The following KLKB1 variants were observed in gnomAD, a reference collection of about 807,000 sequenced individuals.
KLKB1 encodes kallikrein B1, also known as plasma kallikrein.
A neutral mutation model predicts 73.6 loss-of-function variants in KLKB1; 58 were observed. The observed-to-expected ratio is 0.79, with a 90% CI of 0.64 to 0.98. The LOEUF is 0.98. Ranked by LOEUF, KLKB1 falls within the 50% of genes least tolerant of loss-of-function variation. The pLI, the probability that KLKB1 is intolerant of heterozygous loss-of-function variation, is 0.00. For missense variants in KLKB1, 737 were observed against 763.8 expected (o/e 0.96, Z 0.41); for synonymous variants, 280 against 258.1 (o/e 1.08, Z -0.81).
chr4:186,218,407 T>C (rs1019444529), intron 2 of KLKB1, among the ~76,000 whole-genome samples: 1 of 152,242 alleles, frequency 6.6e-6, no homozygotes, highest in Non-Finnish European at 1.5e-5. Context: ...ATACTGGGAA[T>C]GTTATAAGCA....
At chr4:186,251,974 T>C (rs996619217) in intron 10 of KLKB1, 43 bp from the exon 11 acceptor site, 2 of 1,613,830 alleles carry the variant, frequency 1.2e-6, no homozygotes, top group Admixed American at 3.3e-5. Context: ...GGACTTTGAT[T>C]CACTTCTAAT....
At chr4:186,232,453 A>G (rs1390273683) in intron 3 of KLKB1, among the ~76,000 whole-genome samples, 164 bp downstream of exon 3, 6 of 152,238 alleles carry the variant, frequency 3.9e-5, no homozygotes, top group Admixed American at 2.0e-4. Flanking sequence ...TTCCTAGGCC[A>G]CAACCCAGAT....
chr4:186,219,751 A>C (rs540702514), intron 2 of KLKB1, among the ~76,000 whole-genome samples: 26 of 152,216 alleles, frequency 1.7e-4, no homozygotes, highest in African/African-American at 6.3e-4. Context: ...TGACCCAAAC[A>C]TTCATTCCTA....
At chr4:186,223,686 G>C (rs1450258910), upstream of KLKB1, among the ~76,000 whole-genome samples, 2 of 152,194 alleles carry the variant, frequency 1.3e-5, no homozygotes, top group African/African-American at 4.8e-5. Flanking sequence ...CAAAGAGATG[G>C]TATGAAATTG....
chr4:186,230,442 A>T lies in KLKB1; in HGVS notation c.59-1685A>T, dbSNP rs533320527. ...TTTGTGGAATTGTTAAACAAGACTG[A>T]ATAATCTGCCCAAAGTCCATGGACA... On this transcript the variant is annotated intron_variant, in intron 2 of 14. Transcript: ENST00000264690. Among the ~76,000 whole-genome samples, 3 of 152,304 alleles carry T rather than the reference A, an allele frequency of 2.0e-5. No individual in the cohort carries two copies. The East Asian group carries it at 5.8e-4, about 29-fold the overall frequency.
chr4:186,253,847 A>G (rs940339414), intron 11 of KLKB1, among the ~76,000 whole-genome samples: 1 of 151,882 alleles, frequency 6.6e-6, no homozygotes, highest in African/African-American at 2.4e-5. Flanking sequence ...TATTTAATTT[A>G]TTTTTTGAGA....
intron 13 of KLKB1, among the ~76,000 whole-genome samples, chr4:186,257,001 G>C (rs76338192): frequency 2.5e-3 from 70 of 27,554 alleles, no homozygotes; most frequent in Admixed American, 0.019. Flanking sequence ...CTCTCTCTCT[G>C]TGTGTGTGTG....
Position 186,251,490 on chromosome 4 carries a change from C to G in KLKB1, c.872C>G (p.Pro291Arg), listed in dbSNP as rs375911727. Reference protein sequence around the residue: ...LLTCKRTLPEPCHSKIYPGVD... With the variant: ...LLTCKRTLPERCHSKIYPGVD... Reference sequence around the variant, plus strand: ...TTTGTGTTTATAATTGACACAGAACCCTGCCATTCTAAAATTTACCCGGGA... The same window carrying G: ...TTTGTGTTTATAATTGACACAGAACGCTGCCATTCTAAAATTTACCCGGGA... Residue 291 changes from proline to arginine, a missense_variant, in exon 9 of 15, where the codon CCC becomes CGC. Physicochemically the swap from Pro to Arg is moderately radical, Grantham distance 103. Coordinates refer to ENST00000264690, the MANE Select transcript of KLKB1 (RefSeq NM_000892.5). 7 of 1,613,416 alleles carry G rather than the reference C, an allele frequency of 4.3e-6. No individual in the cohort carries two copies. In the East Asian group the frequency reaches 1.6e-4, roughly 36 times the overall value.
intron 2 of KLKB1, among the ~76,000 whole-genome samples, chr4:186,216,253 C>T (rs1402263404): frequency 1.3e-5 from 2 of 152,110 alleles, no homozygotes; most frequent in East Asian, 1.9e-4. Context: ...ATTTATTTAT[C>T]GTTTTACTCT....
intron 6 of KLKB1, 55 bp from the exon 7 acceptor site, chr4:186,250,188 C>A: frequency 1.3e-6 from 2 of 1,519,242 alleles, no homozygotes; most frequent in Non-Finnish European, 1.8e-6. Flanking sequence ...AAAATACAAG[C>A]AAATTTAGCC....
intron 1 of KLKB1, 104 bp from the exon 2 acceptor site, chr4:186,228,091 C>A: frequency 1.4e-6 from 1 of 738,110 alleles, no homozygotes; most frequent in Non-Finnish European, 2.4e-6. Flanking sequence ...TGTGCTTTGT[C>A]TTGCAATTCA....
chr4:186,253,381 C>G (rs182705695), intron 11 of KLKB1, among the ~76,000 whole-genome samples: 13 of 152,274 alleles, frequency 8.5e-5, no homozygotes, highest in Non-Finnish European at 1.9e-4. Context: ...GTGGGTGGAG[C>G]AAGACCCCTC....
chr4:186,214,259 C>T (rs538287631), intron 2 of KLKB1, among the ~76,000 whole-genome samples: 3 of 152,336 alleles, frequency 2.0e-5, no homozygotes, highest in East Asian at 3.9e-4. Flanking sequence ...GCAGGTGATG[C>T]TGAGGCTCAC....
chr4:186,220,469 A>C (rs879600843), intron 2 of KLKB1, among the ~76,000 whole-genome samples: 2 of 152,136 alleles, frequency 1.3e-5, no homozygotes, highest in Non-Finnish European at 2.9e-5. Flanking sequence ...AAACCACCCC[A>C]TAGCTGGCAC....
chr4:186,221,012 A>G (rs922996025), intron 2 of KLKB1, among the ~76,000 whole-genome samples: 3 of 151,890 alleles, frequency 2.0e-5, no homozygotes, highest in African/African-American at 2.4e-5. Context: ...CAGATTTTCT[A>G]TTTCTTCCTG....
intron 2 of KLKB1, among the ~76,000 whole-genome samples, chr4:186,214,976 T>C (rs1187532744): frequency 6.6e-6 from 1 of 152,212 alleles, no homozygotes; most frequent in African/African-American, 2.4e-5. Context: ...CTTTCTGTTG[T>C]GGTTTGCATT....
In KLKB1 at chr4:186,251,501, A is replaced by G; in HGVS notation, c.883A>G (p.Lys295Glu). ...AATTGACACAGAACCCTGCCATTCT[A>G]AAATTTACCCGGGAGTTGACTTTGG... ...KRTLPEPCHS[K>E]IYPGVDFGGE... The change falls in exon 9 of 15, where the codon AAA becomes GAA. Residue 295 changes from lysine to glutamate, a missense_variant. Lys to Glu is a moderately conservative substitution (Grantham distance 56). Transcript: ENST00000264690. 6.2e-7 allele frequency: 1 copy of G among 1,613,928 alleles called. No individual in the cohort carries two copies. Among genetic ancestry groups the G allele is most frequent in the Admixed American group, 1.7e-5 (1 of 60,030 alleles).
At chr4:186,223,170 G>C (rs1458031144), upstream of KLKB1, among the ~76,000 whole-genome samples, 1 of 152,138 alleles carries the variant, frequency 6.6e-6, no homozygotes, top group African/African-American at 2.4e-5. Flanking sequence ...GAGTCATTTA[G>C]ACCTCTTTTG....
intron 12 of KLKB1, 44 bp from the exon 13 acceptor site, chr4:186,255,948 A>G (rs1334917834): frequency 3.4e-6 from 4 of 1,165,676 alleles, no homozygotes; most frequent in South Asian, 2.5e-5. Flanking sequence ...GTCTATATCC[A>G]TAACTTTATT....
Sources: gnomAD v4.1 joint callset for allele counts (sites outside exome capture counted in the v4.1 genomes callset) on GRCh38, gnomAD v4.1.1 for gene constraint, MANE v1.5 for transcripts, NCBI Gene and HGNC (gene_info 2026-07-23, HGNC 2026-07-21) for gene names.